Variants in SCFD1 observed in about 807,000 individuals in gnomAD.
SCFD1 encodes the protein sec1 family domain containing 1.
In SCFD1, 37 loss-of-function variants were observed where a neutral mutation model predicts 103.2. That is an observed-to-expected ratio of 0.36 (90% confidence interval 0.28 to 0.47). The LOEUF (loss-of-function observed/expected upper bound fraction) is 0.47, where lower values mean the gene tolerates loss of function less well. Among genes scored for constraint, SCFD1 ranks in the 20% least tolerant of loss-of-function variants. The probability of loss-of-function intolerance (pLI) is 1.00; values close to 1 mark genes in which losing one functional copy is unlikely to be tolerated. For synonymous variants in SCFD1, 264 were observed against 245.0 expected, an observed-to-expected ratio of 1.08 and a Z score of -0.73; for missense variants, 639 against 761.2, an observed-to-expected ratio of 0.84 and a Z score of 1.89.
Position 30,702,305 on chromosome 14 carries a change from G to A in SCFD1, c.1420G>A (p.Glu474Lys). 1 of 1,593,738 alleles carries A rather than the reference G, an allele frequency of 6.3e-7. No individual in the cohort carries two copies. The highest frequency in any genetic ancestry group is 1.1e-5 in the South Asian group (1 of 87,242). The part of the protein sequence containing the change: ...TQQAPSEADL[E>K]QYKKALTDAG... ...TCTTTTCTTATTTCAGGCTGATTTGGAGCAATATAAAAAAGCTTTAACTGA... is the reference window on the plus strand; with the variant it reads ...TCTTTTCTTATTTCAGGCTGATTTGAAGCAATATAAAAAAGCTTTAACTGA... Residue 474 changes from glutamate (E) to lysine (K), a missense_variant, in exon 17 of 25, where the codon GAG (glutamate) becomes AAG (lysine). By Grantham distance (56) the Glu-to-Lys change is moderately conservative (BLOSUM62 1). Transcript: ENST00000458591.
intron 15 of SCFD1, among the ~76,000 whole-genome samples, chr14:30,697,141 T>G (rs1890760328): frequency 6.6e-6 from 1 of 152,138 alleles, no homozygotes; most frequent in African/African-American, 2.4e-5. Flanking sequence ...AATGCCCAAC[T>G]AGTAAAGATG....
At chr14:30,695,824 A>G (rs1890660369) in intron 15 of SCFD1, among the ~76,000 whole-genome samples, 1 of 152,170 alleles carries the variant, frequency 6.6e-6, no homozygotes, top group South Asian at 2.1e-4. Flanking sequence ...GTAAGCTAAG[A>G]TCGCACAACT....
chr14:30,681,736 T>A (rs116882621), intron 14 of SCFD1, among the ~76,000 whole-genome samples: 1,595 of 152,266 alleles, frequency 0.01, 16 homozygotes, highest in Non-Finnish European at 0.016. Context: ...AGCAAACCAT[T>A]TCTTAGCATC....
At chr14:30,690,672 C>CGCACGGT (rs1465568861) in intron 14 of SCFD1, among the ~76,000 whole-genome samples, 3 of 148,180 alleles carry the variant, frequency 2.0e-5, no homozygotes, top group Non-Finnish European at 4.4e-5. Context: ...CTTCGGCTCG[C>CGCACGGT]GCACGGTGCG....
chr14:30,730,430 C>T (rs536489418), intron 23 of SCFD1, among the ~76,000 whole-genome samples: 4 of 152,304 alleles, frequency 2.6e-5, no homozygotes, highest in African/African-American at 9.6e-5. Context: ...TGAGGAATCG[C>T]CACACTGTCT....
chr14:30,642,952 G>A (rs1026935752), intron 6 of SCFD1, among the ~76,000 whole-genome samples: 5 of 151,998 alleles, frequency 3.3e-5, no homozygotes, highest in East Asian at 1.9e-4. Context: ...TAGGAGGATC[G>A]CTTGAGCCCA....
Position 30,735,713 on chromosome 14 carries a change from A to G in SCFD1, c.*104A>G. 1.3e-6 allele frequency: 1 copy of G among 770,950 alleles called. No homozygotes were observed. Among genetic ancestry groups the G allele is most frequent in the Non-Finnish European group, 2.1e-6 (1 of 470,094 alleles). The allele number at this position is 770,950 out of a possible 1,614,324, so 47.8% of individuals were successfully genotyped here. On this transcript the variant is annotated 3_prime_UTR_variant, in exon 25 of 25. Coordinates refer to ENST00000458591, the MANE Select transcript of SCFD1 (RefSeq NM_016106.4). ...TTTCCTTCTCTGTAACAGTGTCCTA[A>G]CAGTGAAAATCAGAGTTATTTGTTA...
chr14:30,668,168 C>CCAAAACA (rs1453871096), intron 10 of SCFD1, among the ~76,000 whole-genome samples: 9 of 152,208 alleles, frequency 5.9e-5, no homozygotes, highest in African/African-American at 1.9e-4. Context: ...GCTACAGTAA[C>CCAAAACA]GAAAACAGCA....
chr14:30,714,222 C>A (rs1194089227), intron 19 of SCFD1, among the ~76,000 whole-genome samples: 2 of 151,372 alleles, frequency 1.3e-5, no homozygotes, highest in African/African-American at 4.9e-5. Context: ...GGCGCAGTGG[C>A]GGGCGCCTGT....
intron 21 of SCFD1, among the ~76,000 whole-genome samples, chr14:30,721,396 T>C (rs1420381456): frequency 6.6e-6 from 1 of 152,112 alleles, no homozygotes; most frequent in Non-Finnish European, 1.5e-5. Flanking sequence ...CTTTAATAAA[T>C]AAGCTACAGC....
At chr14:30,668,595 C>T (rs1193756485) in intron 10 of SCFD1, among the ~76,000 whole-genome samples, 1 of 152,122 alleles carries the variant, frequency 6.6e-6, no homozygotes, top group Admixed American at 6.5e-5. Flanking sequence ...AAGAAACTAC[C>T]ATCGGAGTGA....
At chr14:30,730,311 A>G (rs555774581) in intron 23 of SCFD1, among the ~76,000 whole-genome samples, 255 of 151,834 alleles carry the variant, frequency 1.7e-3, no homozygotes, top group African/African-American at 5.9e-3. Context: ...TAGTGCCGCA[A>G]TAAACATACC....
Position 30,702,390 on chromosome 14 carries a change from C to T in SCFD1, c.1490+15C>T. On this transcript the variant is annotated intron_variant, in intron 17 of 24. Coordinates refer to ENST00000458591, the MANE Select transcript of SCFD1 (RefSeq NM_016106.4). ...AAACAGTGGAAGTAAGTTTTATTTT[C>T]TTCTTTAATTCCTGTCATTTAAAAG... 1.4e-6 allele frequency: 2 copies of T among 1,464,216 alleles called. No homozygotes were observed. Among genetic ancestry groups the T allele is most frequent in the Non-Finnish European group, 1.9e-6 (2 of 1,065,312 alleles). The allele number at this position is 1,464,216 out of a possible 1,614,324, so 90.7% of individuals were successfully genotyped here. A position where few individuals can be genotyped will look rare whatever the true frequency, so the allele number is the denominator to read the frequency against.
chr14:30,732,715 C>T (rs1003593927), intron 23 of SCFD1, among the ~76,000 whole-genome samples: 1 of 152,196 alleles, frequency 6.6e-6, no homozygotes, highest in African/African-American at 2.4e-5. Context: ...TAGTCCACAA[C>T]ATAAGGGGCA....
chr14:30,634,969 T>A (rs1246596316), intron 4 of SCFD1: 1 of 455,812 alleles, frequency 2.2e-6, no homozygotes, highest in Non-Finnish European at 4.4e-6. Flanking sequence ...TTTAGATGAG[T>A]CACCCCAAAG....
chr14:30,705,041 C>T (rs983188443), intron 17 of SCFD1, among the ~76,000 whole-genome samples: 3 of 152,082 alleles, frequency 2.0e-5, no homozygotes, highest in Non-Finnish European at 4.4e-5. Flanking sequence ...ATCTAAATGC[C>T]ATCTTTCTGC....
chr14:30,677,367 C>CT (rs1182242313), intron 14 of SCFD1, among the ~76,000 whole-genome samples: 1 of 151,986 alleles, frequency 6.6e-6, no homozygotes, highest in Admixed American at 6.6e-5. Flanking sequence ...GCTAATGATC[C>CT]TTTTTCATCA....
At position 30,675,082 on chromosome 14, in the gene SCFD1, C is replaced by T. The variant is rs944119843; in HGVS notation, c.1242+17C>T. On this transcript the variant is annotated intron_variant, in intron 14 of 24. Coordinates refer to ENST00000458591, the MANE Select transcript of SCFD1 (RefSeq NM_016106.4). Reference sequence around the variant, plus strand: ...CATATAAAGGTAAATTTAACTTTTTCCCCCCCACAATATGACTTGCATTTA... The same window carrying T: ...CATATAAAGGTAAATTTAACTTTTTTCCCCCCACAATATGACTTGCATTTA... 1.4e-6 allele frequency: 2 copies of T among 1,401,062 alleles called. No individual in the cohort carries two copies. Among genetic ancestry groups the T allele is most frequent in the African/African-American group, 2.9e-5 (2 of 68,832 alleles). 86.8% of individuals were successfully genotyped at this position (1,401,062 alleles called of 1,614,324 possible). A position where few individuals can be genotyped will look rare whatever the true frequency, so the allele number is the denominator to read the frequency against.
chr14:30,635,111 G>A (rs543020538), intron 4 of SCFD1: 17 of 374,992 alleles, frequency 4.5e-5, no homozygotes, highest in African/African-American at 3.2e-4. Flanking sequence ...TAAATTGTTA[G>A]TGACGTTTGC....
Sources: allele counts gnomAD v4.1 joint callset (sites outside exome capture counted in the v4.1 genomes callset), GRCh38; gene constraint gnomAD v4.1.1; transcripts MANE v1.5; gene names NCBI Gene and HGNC (gene_info 2026-07-23, HGNC 2026-07-21).